The following MAP3K19 variants were observed in gnomAD, a reference collection of about 807,000 sequenced individuals.
MAP3K19 encodes mitogen-activated protein kinase kinase kinase 19.
MAP3K19 carries 91 observed loss-of-function variants against 114.4 expected under a neutral mutation model. The ratio of observed to expected loss-of-function variants is 0.80; its 90% confidence interval spans 0.67 to 0.95. MAP3K19 has a LOEUF of 0.95. Among genes scored for constraint, MAP3K19 ranks in the 40% least tolerant of loss-of-function variants. MAP3K19 has a pLI of 0.00. For synonymous variants in MAP3K19, 518 were observed against 530.5 expected, an observed-to-expected ratio of 0.98 and a Z score of 0.32; for missense variants, 1,471 against 1,573.2, an observed-to-expected ratio of 0.94 and a Z score of 1.10.
intron 9 of MAP3K19, among the ~76,000 whole-genome samples, chr2:134,989,271 T>C (rs1685389672): frequency 6.6e-6 from 1 of 152,220 alleles, no homozygotes; most frequent in Non-Finnish European, 1.5e-5. Flanking sequence ...CTTCTTTTCA[T>C]TGTGGTCTTT....
At chr2:135,013,717 C>G (rs567840332) in intron 5 of MAP3K19, among the ~76,000 whole-genome samples, 1 of 152,216 alleles carries the variant, frequency 6.6e-6, no homozygotes, top group Admixed American at 6.5e-5. Flanking sequence ...ATTTATCAGA[C>G]AACAATATCT....
intron 12 of MAP3K19, among the ~76,000 whole-genome samples, chr2:134,978,586 A>T (rs1684409875): frequency 6.6e-6 from 1 of 152,122 alleles, no homozygotes; most frequent in Non-Finnish European, 1.5e-5. Flanking sequence ...TCCTTACAGG[A>T]GGTGGGAAGG....
chr2:134,998,550 T>C (rs1008885771), intron 8 of MAP3K19, among the ~76,000 whole-genome samples, 188 bp downstream of exon 8: 2 of 152,250 alleles, frequency 1.3e-5, no homozygotes, highest in Non-Finnish European at 2.9e-5. Context: ...TCCTTCATTT[T>C]ACTTGTTTAC....
chr2:134,988,345 C>CCTG, intron 9 of MAP3K19, 92 bp from the exon 10 acceptor site: 1 of 1,092,082 alleles, frequency 9.2e-7, no homozygotes, highest in Non-Finnish European at 1.3e-6. Context: ...TTATAATATC[C>CCTG]TCTTAAGGAA....
chr2:134,972,402 A>C (rs544277911), intron 12 of MAP3K19, among the ~76,000 whole-genome samples: 5 of 151,470 alleles, frequency 3.3e-5, no homozygotes, highest in Non-Finnish European at 7.4e-5. Flanking sequence ...TCTGATCTTT[A>C]TTTCTTTTTT....
chr2:135,032,645 T>C (rs867945003), intron 2 of MAP3K19, among the ~76,000 whole-genome samples: 3 of 149,408 alleles, frequency 2.0e-5, no homozygotes, highest in African/African-American at 4.9e-5. Flanking sequence ...TGATCATTCT[T>C]GGGTGTTTCT....
intron 8 of MAP3K19, among the ~76,000 whole-genome samples, chr2:134,995,588 A>G (rs1288756635): frequency 1.3e-5 from 2 of 152,240 alleles, no homozygotes; most frequent in Admixed American, 1.3e-4. Context: ...TGCAATACAC[A>G]GGATGGGATG....
At chr2:134,968,641 C>A (rs1465872005) in intron 12 of MAP3K19, among the ~76,000 whole-genome samples, 1 of 146,728 alleles carries the variant, frequency 6.8e-6, no homozygotes, top group Non-Finnish European at 1.5e-5. Context: ...GACGGGGCGG[C>A]CGGGCAGAGA....
intron 8 of MAP3K19, among the ~76,000 whole-genome samples, chr2:134,996,009 C>A (rs958517567): frequency 6.6e-6 from 1 of 152,060 alleles, no homozygotes; most frequent in African/African-American, 2.4e-5. Context: ...GACTAATCAT[C>A]ATCCACTGCA....
intron 4 of MAP3K19, among the ~76,000 whole-genome samples, chr2:135,024,343 A>ACTATAAGTC (rs3041384): frequency 0.26 from 39,982 of 151,818 alleles, 7,045 homozygotes; most frequent in African/African-American, 0.48. Flanking sequence ...TTCAAGAACC[A>ACTATAAGTC]CTATAAGTCC....
intron 8 of MAP3K19, among the ~76,000 whole-genome samples, chr2:134,992,053 T>G (rs1265255531): frequency 6.6e-6 from 1 of 152,204 alleles, no homozygotes. Context: ...TTACTATGAA[T>G]TGTAAGCAAA....
intron 12 of MAP3K19, among the ~76,000 whole-genome samples, chr2:134,978,383 T>C (rs1454035555): frequency 6.6e-6 from 1 of 152,002 alleles, no homozygotes; most frequent in East Asian, 1.9e-4. Context: ...TTTGTAAAGA[T>C]GGGGTTTCTT....
intron 1 of MAP3K19, among the ~76,000 whole-genome samples, chr2:135,043,587 T>A (rs538838812): frequency 6.6e-6 from 1 of 152,224 alleles, no homozygotes; most frequent in African/African-American, 2.4e-5. Context: ...TTGTTAACAA[T>A]AGATGAACTT....
In MAP3K19 at chr2:134,986,226, A is replaced by C; in HGVS notation, c.2646T>G (p.Asn882Lys). 6.2e-7 allele frequency: 1 copy of C among 1,613,990 alleles called. No individual in the cohort carries two copies. The highest frequency in any genetic ancestry group is 2.2e-5 in the East Asian group (1 of 44,876). ...GATCATTAGTTAAAATTCGGCTGGC[A>C]TTTACTTTACTAAGAGATGCTGTAT... ...KQNTASLSKV[N>K]ASRILTNDLE... is the part of the protein sequence containing the mutation. The change falls in exon 10 of 13, where the codon AAT (asparagine) becomes AAG (lysine). Residue 882 changes from asparagine to lysine, a missense_variant. Asn to Lys is a moderately conservative substitution (Grantham distance 94). Coordinates refer to ENST00000392915, the MANE Select transcript of MAP3K19 (RefSeq NM_025052.5).
chr2:135,001,915 G>C (rs997659960), intron 6 of MAP3K19, among the ~76,000 whole-genome samples: 1 of 152,168 alleles, frequency 6.6e-6, no homozygotes, highest in Non-Finnish European at 1.5e-5. Context: ...ATATTGTTAA[G>C]AGCTAATGGC....
chr2:135,026,426 C>T (rs922680519), intron 3 of MAP3K19, among the ~76,000 whole-genome samples: 1 of 152,158 alleles, frequency 6.6e-6, no homozygotes, highest in Non-Finnish European at 1.5e-5. Flanking sequence ...ATTCCCTTTT[C>T]ATTCCATTAT....
At chr2:134,973,385 T>A (rs1684007189) in intron 12 of MAP3K19, among the ~76,000 whole-genome samples, 1 of 152,220 alleles carries the variant, frequency 6.6e-6, no homozygotes, top group African/African-American at 2.4e-5. Flanking sequence ...ACTTTGTCTC[T>A]TTTTACTGTT....
intron 2 of MAP3K19, among the ~76,000 whole-genome samples, chr2:135,039,008 G>C (rs188134911): frequency 3.9e-5 from 6 of 152,238 alleles, no homozygotes; most frequent in African/African-American, 7.2e-5. Context: ...GTTAGCCAGG[G>C]TGGGGGATGC....
chr2:134,998,734 T>A lies in MAP3K19; in HGVS notation c.574+4A>T. 4 of 1,595,918 alleles carry A rather than the reference T, an allele frequency of 2.5e-6. No homozygotes were observed. The highest frequency in any genetic ancestry group is 2.6e-6 in the Non-Finnish European group (3 of 1,171,286). ...CTCACTGTGGAATTCAATGTTCAAC[T>A]TACCTTCAGATTTTCTTTGCTGCTC... On this transcript the variant is annotated splice_donor_region_variant and intron_variant, in intron 8 of 12. Coordinates refer to ENST00000392915, the MANE Select transcript of MAP3K19 (RefSeq NM_025052.5).
Sources: gnomAD v4.1 joint callset for allele counts (sites outside exome capture counted in the v4.1 genomes callset) on GRCh38, gnomAD v4.1.1 for gene constraint, MANE v1.5 for transcripts, NCBI Gene and HGNC (gene_info 2026-07-23, HGNC 2026-07-21) for gene names.